NDUFV2: variants seen among roughly 807,000 people sequenced by gnomAD.
The protein encoded by NDUFV2 is NADH dehydrogenase [ubiquinone] flavoprotein 2, mitochondrial.
Under a neutral mutation model 31.6 loss-of-function variants are expected in NDUFV2, and 18 were observed. The observed-to-expected ratio is 0.57, with a 90% CI of 0.39 to 0.84. The LOEUF is 0.84. NDUFV2 is among the 40% of genes least tolerant of loss of function. The pLI, the probability that NDUFV2 is intolerant of heterozygous loss-of-function variation, is 0.00. For missense variants in NDUFV2, 314 were observed against 303.6 expected (o/e 1.03, Z -0.26); for synonymous variants, 83 against 99.8 (o/e 0.83, Z 1.01).
chr18:9,116,994 A>G (rs1395950414), intron 1 of NDUFV2, among the ~76,000 whole-genome samples: 1 of 152,090 alleles, frequency 6.6e-6, no homozygotes, highest in East Asian at 1.9e-4. Context: ...AAGCAACTGA[A>G]CATTGTCAGT....
At chr18:9,128,857 G>C (rs1343397389) in intron 7 of NDUFV2, among the ~76,000 whole-genome samples, 1 of 152,164 alleles carries the variant, frequency 6.6e-6, no homozygotes, top group Non-Finnish European at 1.5e-5. Flanking sequence ...AAATCCACTT[G>C]GGTTCTTTAG....
intron 1 of NDUFV2, among the ~76,000 whole-genome samples, chr18:9,111,478 G>T (rs563104653): frequency 4.0e-5 from 6 of 150,884 alleles, no homozygotes; most frequent in African/African-American, 1.5e-4. Context: ...GCCCAGGCTG[G>T]AGTGCTGTGG....
At chr18:9,114,850 G>A (rs1450178359) in intron 1 of NDUFV2, among the ~76,000 whole-genome samples, 1 of 152,200 alleles carries the variant, frequency 6.6e-6, no homozygotes, top group Admixed American at 6.5e-5. Flanking sequence ...AAGTCAGCAA[G>A]AGAATGCCTC....
chr18:9,110,284 T>G (rs1417367839), intron 1 of NDUFV2, among the ~76,000 whole-genome samples: 3 of 152,204 alleles, frequency 2.0e-5, no homozygotes, highest in Non-Finnish European at 4.4e-5. Flanking sequence ...ATGAGAACTT[T>G]TAATGTTTTA....
chr18:9,115,955 A>G (rs545133032), intron 1 of NDUFV2: 2 of 152,290 alleles, frequency 1.3e-5, no homozygotes, highest in South Asian at 2.1e-4. Context: ...TTGTTTCTCT[A>G]TATGCTCAAC....
At chr18:9,124,787 C>T in intron 5 of NDUFV2, 87 bp from the exon 6 acceptor site, 1 of 1,311,782 alleles carries the variant, frequency 7.6e-7, no homozygotes, top group Non-Finnish European at 1.0e-6. Context: ...TTTTAATATA[C>T]CTCTATAAAA....
intron 1 of NDUFV2, among the ~76,000 whole-genome samples, chr18:9,106,003 A>G (rs1243201743): frequency 6.6e-6 from 1 of 152,164 alleles, no homozygotes; most frequent in African/African-American, 2.4e-5. Flanking sequence ...TAGAGGCTCT[A>G]GATCCTGTTT....
At chr18:9,124,081 T>G (rs1352062090) in intron 5 of NDUFV2, among the ~76,000 whole-genome samples, 1 of 152,186 alleles carries the variant, frequency 6.6e-6, no homozygotes, top group Non-Finnish European at 1.5e-5. Flanking sequence ...CCTGATGCAC[T>G]GCTGTATAAC....
intron 1 of NDUFV2, chr18:9,105,098 C>A: frequency 2.7e-6 from 3 of 1,128,188 alleles, no homozygotes; most frequent in Non-Finnish European, 3.5e-6. Flanking sequence ...TGAGGATGTT[C>A]TATTACTTAT....
rs3837902 is a variant in NDUFV2 at position 9,116,561 on chromosome 18, GCCT to G, written c.55-1276_55-1274del. ...TGCACCTCTGACTGTATCCCTCCCTGCCTTCCAATTATCCTGAAATTGATATTT... is the reference window on the plus strand; with the variant it reads ...TGCACCTCTGACTGTATCCCTCCCTGTCCAATTATCCTGAAATTGATATTT... On this transcript the variant is annotated intron_variant, in intron 1 of 7. Coordinates refer to ENST00000318388, the MANE Select transcript of NDUFV2 (RefSeq NM_021074.5). Among the ~76,000 whole-genome samples, 218 of 152,148 alleles carry G rather than the reference GCCT, an allele frequency of 1.4e-3. 3 individuals carry two copies. In the East Asian group the frequency reaches 0.036, roughly 25 times the overall value.
intron 1 of NDUFV2, among the ~76,000 whole-genome samples, chr18:9,107,958 G>A (rs2077850010): frequency 1.3e-5 from 2 of 152,194 alleles, no homozygotes; most frequent in Admixed American, 6.5e-5. Flanking sequence ...CATATACAAA[G>A]ACACTGAAGT....
intron 1 of NDUFV2, among the ~76,000 whole-genome samples, chr18:9,117,060 G>A (rs1281822570): frequency 1.3e-5 from 2 of 149,250 alleles, no homozygotes; most frequent in East Asian, 1.9e-4. Flanking sequence ...TTTTTGAGAC[G>A]GAGCCTTGCT....
intron 4 of NDUFV2, among the ~76,000 whole-genome samples, chr18:9,120,396 T>C (rs2077926106): frequency 6.6e-6 from 1 of 152,224 alleles, no homozygotes; most frequent in Non-Finnish European, 1.5e-5. Context: ...GTAGACCTCT[T>C]CTAATTATTA....
chr18:9,126,790 G>T (rs529281523), intron 6 of NDUFV2, 41 bp from the exon 7 acceptor site: 77 of 1,513,760 alleles, frequency 5.1e-5, no homozygotes, highest in Non-Finnish European at 6.1e-5. Context: ...CGATATAAAA[G>T]AAAGTAATTT....
At chr18:9,124,724 A>T (rs2077972849) in intron 5 of NDUFV2, 150 bp from the exon 6 acceptor site, 1 of 658,062 alleles carries the variant, frequency 1.5e-6, no homozygotes, top group Non-Finnish European at 2.5e-6. Flanking sequence ...CTGGGATTAC[A>T]GGCGTGAGCC....
At chr18:9,109,881 C>A (rs992109888) in intron 1 of NDUFV2, among the ~76,000 whole-genome samples, 1 of 152,100 alleles carries the variant, frequency 6.6e-6, no homozygotes, top group Admixed American at 6.5e-5. Context: ...TAAATCTTTT[C>A]TTTTCCTTCT....
chr18:9,119,197 T>C, intron 2 of NDUFV2, 129 bp from the exon 3 acceptor site: 1 of 734,774 alleles, frequency 1.4e-6, no homozygotes, highest in South Asian at 1.5e-5. Context: ...GATGGAAGGA[T>C]AGGGTGGTAT....
chr18:9,107,770 C>T (rs927476758), intron 1 of NDUFV2, among the ~76,000 whole-genome samples: 1 of 152,060 alleles, frequency 6.6e-6, no homozygotes, highest in African/African-American at 2.4e-5. Context: ...CCAGTGTAAG[C>T]AGACTAGGGA....
chr18:9,128,090 C>G (rs991754777), intron 7 of NDUFV2, among the ~76,000 whole-genome samples: 1 of 152,104 alleles, frequency 6.6e-6, no homozygotes, highest in African/African-American at 2.4e-5. Context: ...AGCAAATGTT[C>G]TCATGGTTTT....
Sources: gnomAD v4.1 joint callset for allele counts (sites outside exome capture counted in the v4.1 genomes callset) on GRCh38, gnomAD v4.1.1 for gene constraint, MANE v1.5 for transcripts, NCBI Gene and HGNC (gene_info 2026-07-23, HGNC 2026-07-21) for gene names.